IGF2BP2: variants seen among roughly 807,000 people sequenced by gnomAD.
The protein encoded by IGF2BP2 is insulin like growth factor 2 mRNA binding protein 2.
Under a neutral mutation model 75.8 loss-of-function variants are expected in IGF2BP2, and 17 were observed. That is an observed-to-expected ratio of 0.22 (90% CI 0.15 to 0.34). The LOEUF (loss-of-function observed/expected upper bound fraction) is 0.34. Ranked by LOEUF, IGF2BP2 falls within the 10% of genes least tolerant of loss-of-function variation. The pLI, the probability that IGF2BP2 is intolerant of heterozygous loss-of-function variation, is 1.00. For synonymous variants in IGF2BP2, 288 were observed against 295.6 expected (o/e 0.97, Z 0.26); for missense variants, 516 against 772.4 (o/e 0.67, Z 3.93).
rs1717357633 is a variant in IGF2BP2 at position 185,665,491 on chromosome 3, A to AGGAGG, written c.1200+7049_1200+7050insCCTCC. Among the ~76,000 whole-genome samples, 4 of 37,704 alleles carry AGGAGG rather than the reference A, an allele frequency of 1.1e-4. 1 individual carries two copies. Among genetic ancestry groups the AGGAGG allele is most frequent in the Non-Finnish European group, 2.0e-4 (4 of 19,784 alleles). 24.7% of individuals were successfully genotyped at this position (37,704 alleles called of 152,430 possible). ...GAAGAAGAAGGAGAAGAAGGAGGAG[A>AGGAGG]AGGAGGAGGAGAAGGAGGAGGAGGA... On this transcript the variant is annotated intron_variant, in intron 10 of 15. Transcript: ENST00000382199.
intron 10 of IGF2BP2, among the ~76,000 whole-genome samples, chr3:185,666,904 C>A (rs1717729144): frequency 6.6e-6 from 1 of 152,054 alleles, no homozygotes; most frequent in Non-Finnish European, 1.5e-5. Flanking sequence ...GAATTTTTAC[C>A]AATTCTTCAA....
chr3:185,665,458 A>AGGAGG lies in IGF2BP2; in HGVS notation c.1201-7050_1201-7049insCCTCC, dbSNP rs1560251507. On this transcript the variant is annotated intron_variant, in intron 10 of 15. Coordinates refer to ENST00000382199, the MANE Select transcript of IGF2BP2 (RefSeq NM_006548.6). The stretch of plus-strand genomic sequence containing the variant: ...GGAGGAGAAGGAGGAGGAGGAGGAG[A>AGGAGG]AGAAGAAGAAGAAGAAGGAGAAGAA... Among the ~76,000 whole-genome samples, 3 of 66,608 alleles carry AGGAGG rather than the reference A, an allele frequency of 4.5e-5. 1 individual carries two copies. Among genetic ancestry groups the AGGAGG allele is most frequent in the Non-Finnish European group, 8.7e-5 (3 of 34,320 alleles). The allele number at this position is 66,608 out of a possible 152,430, so 43.7% of individuals were successfully genotyped here. A position where few individuals can be genotyped will look rare whatever the true frequency, so the allele number is the denominator to read the frequency against.
chr3:185,700,893 C>T (rs1159291128), intron 2 of IGF2BP2, among the ~76,000 whole-genome samples: 1 of 151,984 alleles, frequency 6.6e-6, no homozygotes, highest in African/African-American at 2.4e-5. Flanking sequence ...GACAAGCATG[C>T]ACTGTCATAG....
intron 13 of IGF2BP2, 61 bp from the exon 14 acceptor site, chr3:185,649,595 T>C: frequency 6.2e-7 from 1 of 1,601,248 alleles, no homozygotes. Flanking sequence ...ACTTCATCAG[T>C]GCTGCGAAGG....
chr3:185,759,271 T>C (rs993634361), intron 2 of IGF2BP2, among the ~76,000 whole-genome samples: 1 of 152,222 alleles, frequency 6.6e-6, no homozygotes, highest in African/African-American at 2.4e-5. Context: ...AAAAAAAGTA[T>C]TGAACCAGAA....
chr3:185,657,409 G>A lies in IGF2BP2; in HGVS notation c.1270-7C>T. The A allele has an allele frequency of 1.2e-6, 2 of 1,601,134 alleles. No individual in the cohort carries two copies. Among genetic ancestry groups the A allele is most frequent in the African/African-American group, 2.7e-5 (2 of 74,802 alleles). ...CAATCTCCTGCTCTGGATACTGGGA[G>A]GGCGAGACAAGAAAGAAGACATCAT... On this transcript the variant is annotated splice_polypyrimidine_tract_variant and splice_region_variant and intron_variant, in intron 11 of 15. Transcript: ENST00000382199.
chr3:185,820,241 C>T (rs529080619), intron 2 of IGF2BP2, among the ~76,000 whole-genome samples: 3,505 of 69,670 alleles, frequency 0.05, 73 homozygotes, highest in African/African-American at 0.1. Context: ...CACATACACA[C>T]ACACACACAC....
chr3:185,757,762 T>C (rs763880287), intron 2 of IGF2BP2, among the ~76,000 whole-genome samples: 5 of 152,176 alleles, frequency 3.3e-5, no homozygotes, highest in Non-Finnish European at 7.3e-5. Flanking sequence ...GTACCTAGCC[T>C]ATAGCTCATG....
At position 185,645,633 on chromosome 3, in the gene IGF2BP2, G is replaced by A; in HGVS notation, c.1708-10C>T. 1 of 1,606,570 alleles carries A rather than the reference G, an allele frequency of 6.2e-7. No homozygotes were observed. On this transcript the variant is annotated splice_polypyrimidine_tract_variant and intron_variant, in intron 15 of 15. Transcript: ENST00000382199. This position sits in a 1 kb window ranked among gnomAD's most constrained non-coding sequence, Gnocchi z 4.9. ...TCTTGCGCTGTGCAGTCTGCAGCAA[G>A]GGAGAGAAGGGAGAGGAAGGGACAG...
chr3:185,668,508 GATAT>G (rs755033940), intron 10 of IGF2BP2, among the ~76,000 whole-genome samples: 100 of 125,774 alleles, frequency 8.0e-4, no homozygotes, highest in African/African-American at 1.8e-3. Context: ...GAGAGAGAGA[GATAT>G]ATATATATAT....
intron 10 of IGF2BP2, among the ~76,000 whole-genome samples, chr3:185,671,351 T>C (rs1283767606): frequency 6.6e-6 from 1 of 151,912 alleles, no homozygotes; most frequent in Non-Finnish European, 1.5e-5. Context: ...ATGGAGACCA[T>C]CCTGGCCAAC....
In IGF2BP2 at chr3:185,801,939, T is replaced by G. The variant is rs147240989; in HGVS notation, c.239+21214A>C. On this transcript the variant is annotated intron_variant, in intron 2 of 15. Coordinates refer to ENST00000382199, the MANE Select transcript of IGF2BP2 (RefSeq NM_006548.6). ...GACCAGAAAACCAAACACCACCTGT[T>G]CTCACTCATAAGTGGGAGTTGAATG... Among the ~76,000 whole-genome samples the G allele has an allele frequency of 3.4e-3, 520 of 152,010 alleles. 1 individual carries two copies. Among genetic ancestry groups the G allele is most frequent in the African/African-American group, 0.012 (501 of 41,442 alleles).
chr3:185,754,226 A>G (rs1731313057), intron 2 of IGF2BP2, among the ~76,000 whole-genome samples: 1 of 151,908 alleles, frequency 6.6e-6, no homozygotes, highest in Non-Finnish European at 1.5e-5. Context: ...AAATAAAATA[A>G]GAATACGGGA....
intron 2 of IGF2BP2, among the ~76,000 whole-genome samples, chr3:185,789,892 T>A (rs1006896110): frequency 6.6e-6 from 1 of 151,918 alleles, no homozygotes; most frequent in Non-Finnish European, 1.5e-5. Flanking sequence ...CGCCACCACA[T>A]CTGGCTAATT....
At chr3:185,700,210 GAC>G (rs996161775) in intron 2 of IGF2BP2, among the ~76,000 whole-genome samples, 2 of 151,870 alleles carry the variant, frequency 1.3e-5, no homozygotes. Flanking sequence ...GAAAAGGAGA[GAC>G]ACACACACAG....
chr3:185,774,673 GATAA>G (rs1734314151), intron 2 of IGF2BP2, among the ~76,000 whole-genome samples: 2 of 151,846 alleles, frequency 1.3e-5, no homozygotes, highest in African/African-American at 4.8e-5. Context: ...CTTTCCCATT[GATAA>G]ATAAGTCTCA....
chr3:185,713,209 G>C (rs1578064063), intron 2 of IGF2BP2: 2 of 348,144 alleles, frequency 5.7e-6, no homozygotes, highest in East Asian at 1.5e-4. Context: ...CCAGGTCAAA[G>C]TTCACATTTT....
At chr3:185,817,090 T>C (rs1039008871) in intron 2 of IGF2BP2, among the ~76,000 whole-genome samples, 2 of 152,238 alleles carry the variant, frequency 1.3e-5, no homozygotes, top group Non-Finnish European at 1.5e-5. Context: ...TTAATTTTCA[T>C]TTATCAGACT....
intron 2 of IGF2BP2, among the ~76,000 whole-genome samples, chr3:185,817,809 A>G (rs1560518724): frequency 6.6e-6 from 1 of 152,214 alleles, no homozygotes; most frequent in Non-Finnish European, 1.5e-5. Flanking sequence ...CATGAATTTG[A>G]ATATAAGAAG....
Sources: allele counts gnomAD v4.1 joint callset (sites outside exome capture counted in the v4.1 genomes callset), GRCh38; gene constraint gnomAD v4.1.1; non-coding constraint Gnocchi (gnomAD v3.1); transcripts MANE v1.5; gene names NCBI Gene and HGNC (gene_info 2026-07-23, HGNC 2026-07-21).